KCNJ6: variants seen among roughly 807,000 people sequenced by gnomAD.
The protein encoded by KCNJ6 is G protein-activated inward rectifier potassium channel 2.
In KCNJ6, 9 loss-of-function variants were observed where a neutral mutation model predicts 34.2. That is an observed-to-expected ratio of 0.26 (90% CI 0.16 to 0.46). KCNJ6 has a LOEUF of 0.46. Ranked by LOEUF, KCNJ6 falls within the 20% of genes least tolerant of loss-of-function variation. The probability of loss-of-function intolerance (pLI) is 1.00; values close to 1 mark genes in which losing one functional copy is unlikely to be tolerated. For synonymous variants in KCNJ6, 196 were observed against 207.1 expected (o/e 0.95, Z 0.46); for missense variants, 236 against 531.3 (o/e 0.44, Z 5.46).
Position 37,781,547 on chromosome 21 carries a change from A to G in KCNJ6, c.25+59111T>C, listed in dbSNP as rs577866344. On this transcript the variant is annotated intron_variant, in intron 2 of 3. Coordinates refer to ENST00000609713, the MANE Select transcript of KCNJ6 (RefSeq NM_002240.5). Reference sequence around the variant, plus strand: ...AATGATGACAACAATTATGAAAATTATGATGATGAGGAACATGATGATAGC... The same window carrying G: ...AATGATGACAACAATTATGAAAATTGTGATGATGAGGAACATGATGATAGC... Among the ~76,000 whole-genome samples the G allele has an allele frequency of 7.9e-5, 12 of 152,330 alleles. No individual in the cohort carries two copies. The South Asian group carries it at 2.3e-3, about 29-fold the overall frequency.
intron 2 of KCNJ6, among the ~76,000 whole-genome samples, chr21:37,809,406 A>G (rs924696366): frequency 2.0e-4 from 30 of 152,174 alleles, no homozygotes; most frequent in Middle Eastern, 6.8e-3. Flanking sequence ...GGATAGCATT[A>G]GGAGATATAC....
chr21:37,630,582 G>T (rs762092083), intron 3 of KCNJ6, among the ~76,000 whole-genome samples: 2 of 152,132 alleles, frequency 1.3e-5, no homozygotes, highest in Non-Finnish European at 2.9e-5. Flanking sequence ...ATGTCAGTCT[G>T]CATATGAAGG....
chr21:37,802,733 A>G (rs944374519), intron 2 of KCNJ6, among the ~76,000 whole-genome samples: 7 of 152,214 alleles, frequency 4.6e-5, no homozygotes, highest in African/African-American at 1.7e-4. Flanking sequence ...AGTGGCTTAA[A>G]ATAATATAAA....
intron 1 of KCNJ6, among the ~76,000 whole-genome samples, chr21:37,897,513 ACTGG>A (rs2055794811): frequency 1.3e-5 from 2 of 152,180 alleles, no homozygotes; most frequent in African/African-American, 4.8e-5. Flanking sequence ...TTAGCTGCTG[ACTGG>A]CTCTGAGAGG....
intron 3 of KCNJ6, among the ~76,000 whole-genome samples, chr21:37,639,834 G>T (rs1206270278): frequency 1.3e-5 from 2 of 152,158 alleles, no homozygotes; most frequent in African/African-American, 4.8e-5. Context: ...TTAAAAGTGT[G>T]TGGCATTTCC....
Position 37,840,690 on chromosome 21 carries a change from G to A in KCNJ6, c.-8C>T, listed in dbSNP as rs778928546. ...TTCTGTCAGCTTGGCCATTGTTGCA[G>A]TTTCTTCTTTGTGCTTTTCCTGGAG... On this transcript the variant is annotated 5_prime_UTR_variant, in exon 2 of 4. Coordinates refer to ENST00000609713, the MANE Select transcript of KCNJ6 (RefSeq NM_002240.5). 3.1e-6 allele frequency: 5 copies of A among 1,593,978 alleles called. No individual in the cohort carries two copies. Among genetic ancestry groups the A allele is most frequent in the East Asian group, 2.2e-5 (1 of 44,530 alleles).
At chr21:37,817,171 C>T (rs1025193951) in intron 2 of KCNJ6, among the ~76,000 whole-genome samples, 1 of 152,120 alleles carries the variant, frequency 6.6e-6, no homozygotes, top group Non-Finnish European at 1.5e-5. Context: ...GCTCTTAGAA[C>T]AAAAATGGCT....
intron 3 of KCNJ6, among the ~76,000 whole-genome samples, chr21:37,665,075 C>T (rs893836610): frequency 1.3e-5 from 2 of 152,094 alleles, no homozygotes; most frequent in African/African-American, 4.8e-5. Flanking sequence ...GGATTACAGA[C>T]ATGAGCCACC....
At chr21:37,914,671 A>G (rs542331337) in intron 1 of KCNJ6, among the ~76,000 whole-genome samples, 18 of 152,322 alleles carry the variant, frequency 1.2e-4, no homozygotes, top group African/African-American at 4.3e-4. Flanking sequence ...AAATGGGCGA[A>G]GCTCAGTTAG....
intron 2 of KCNJ6, among the ~76,000 whole-genome samples, chr21:37,726,490 A>G (rs754304644): frequency 7.9e-5 from 12 of 152,146 alleles, no homozygotes; most frequent in Non-Finnish European, 1.6e-4. Context: ...ATGTTTATTG[A>G]CCTGGCAAAT....
At chr21:37,875,385 T>A (rs114825043) in intron 1 of KCNJ6, among the ~76,000 whole-genome samples, 2,145 of 152,172 alleles carry the variant, frequency 0.014, 52 homozygotes, top group African/African-American at 0.049. Context: ...AGCTCGCCCA[T>A]CCTGCTTCCT....
At chr21:37,791,166 G>A (rs1021197180) in intron 2 of KCNJ6, among the ~76,000 whole-genome samples, 8 of 152,220 alleles carry the variant, frequency 5.3e-5, no homozygotes, top group Non-Finnish European at 8.8e-5. Context: ...GGGAGGACCT[G>A]CGTCCTTGAA....
At chr21:37,845,545 C>T (rs1440696421) in intron 1 of KCNJ6, among the ~76,000 whole-genome samples, 1 of 152,186 alleles carries the variant, frequency 6.6e-6, no homozygotes, top group African/African-American at 2.4e-5. Context: ...GTGGAATTTG[C>T]ACTGCCTGAT....
intron 3 of KCNJ6, among the ~76,000 whole-genome samples, chr21:37,641,298 T>C (rs1454859764): frequency 6.6e-6 from 1 of 152,204 alleles, no homozygotes; most frequent in East Asian, 1.9e-4. Context: ...GGTAATAATT[T>C]CATTTATTTG....
At chr21:37,822,537 A>G (rs2055378091) in intron 2 of KCNJ6, among the ~76,000 whole-genome samples, 1 of 152,200 alleles carries the variant, frequency 6.6e-6, no homozygotes, top group Non-Finnish European at 1.5e-5. Context: ...GCGGGAAATT[A>G]TCTGTCAAAA....
chr21:37,869,906 T>C (rs2055641660), intron 1 of KCNJ6, among the ~76,000 whole-genome samples: 1 of 152,034 alleles, frequency 6.6e-6, no homozygotes, highest in East Asian at 1.9e-4. Context: ...AAAGACTGAG[T>C]GGCTTCCAAG....
intron 2 of KCNJ6, among the ~76,000 whole-genome samples, chr21:37,725,663 T>C (rs858036): frequency 0.4 from 60,429 of 152,002 alleles, 12,586 homozygotes; most frequent in Admixed American, 0.47. Flanking sequence ...GAGGGTCATT[T>C]ATTCTAAGGA....
At chr21:37,703,407 G>A (rs1428268635) in intron 3 of KCNJ6, among the ~76,000 whole-genome samples, 2 of 152,042 alleles carry the variant, frequency 1.3e-5, no homozygotes, top group African/African-American at 4.8e-5. Flanking sequence ...GCCAGTGTTC[G>A]GTCTGATTGC....
rs1275454073 is a variant in KCNJ6, at chr21:37,624,522, A to G, written c.*637T>C. The G allele has an allele frequency of 6.6e-6, 1 of 151,990 alleles. No homozygotes were observed. Among genetic ancestry groups the G allele is most frequent in the African/African-American group, 2.4e-5 (1 of 41,384 alleles). 9.4% of individuals were successfully genotyped at this position (151,990 alleles called of 1,614,324 possible). ...TCTAAAGTTATATATCTAAACCTAC[A>G]TTAATGATACATCTATGTACAGTAT... On this transcript the variant is annotated 3_prime_UTR_variant, in exon 4 of 4. Transcript: ENST00000609713.
Sources: gnomAD v4.1 joint callset for allele counts (sites outside exome capture counted in the v4.1 genomes callset) on GRCh38, gnomAD v4.1.1 for gene constraint, MANE v1.5 for transcripts, NCBI Gene and HGNC (gene_info 2026-07-23, HGNC 2026-07-21) for gene names.